The following NLGN1 variants were observed in gnomAD, a reference collection of about 807,000 sequenced individuals.
The protein encoded by NLGN1 is neuroligin 1.
Under a neutral mutation model 65.5 loss-of-function variants are expected in NLGN1, and 12 were observed. The ratio of observed to expected loss-of-function variants is 0.18; its 90% confidence interval spans 0.12 to 0.30. The LOEUF (loss-of-function observed/expected upper bound fraction) is 0.30, where lower values mean the gene tolerates loss of function less well. Among genes scored for constraint, NLGN1 ranks in the 10% least tolerant of loss-of-function variants. The pLI, the probability that NLGN1 is intolerant of heterozygous loss-of-function variation, is 1.00. For missense variants in NLGN1, 750 were observed against 1,007.1 expected, an observed-to-expected ratio of 0.74 and a Z score of 3.46; for synonymous variants, 350 against 359.5, an observed-to-expected ratio of 0.97 and a Z score of 0.30.
chr3:174,263,823 G>A (rs558672722), intron 4 of NLGN1, among the ~76,000 whole-genome samples: 189 of 151,364 alleles, frequency 1.2e-3, no homozygotes, highest in African/African-American at 4.1e-3. Flanking sequence ...GGCTGGTACC[G>A]GTTGTTCCTT....
chr3:173,550,394 T>C lies in NLGN1; in HGVS notation c.-320-53885T>C, dbSNP rs201378470. Among the ~76,000 whole-genome samples, 14 of 152,186 alleles carry C rather than the reference T, an allele frequency of 9.2e-5. No individual in the cohort carries two copies. In the East Asian group the frequency reaches 2.5e-3, roughly 27 times the overall value. On this transcript the variant is annotated intron_variant, in intron 2 of 6. Coordinates refer to ENST00000457714, the Ensembl canonical transcript of NLGN1. ...AAGGAAGGATCATCTGCTGTTATTA[T>C]ATCCTCCACCAATCTTCACAAAGAA... is the stretch of plus-strand genomic sequence containing the variant.
chr3:173,962,426 T>C (rs1287603329), intron 4 of NLGN1, among the ~76,000 whole-genome samples: 1 of 152,146 alleles, frequency 6.6e-6, no homozygotes, highest in African/African-American at 2.4e-5. Flanking sequence ...AAGCTGGGCT[T>C]AGTTACCCCA....
chr3:173,527,950 G>A (rs1012858750), intron 2 of NLGN1, among the ~76,000 whole-genome samples: 4 of 152,260 alleles, frequency 2.6e-5, no homozygotes, highest in African/African-American at 7.2e-5. Context: ...GGTCATTTGT[G>A]TTCAAGGTTA....
intron 4 of NLGN1, among the ~76,000 whole-genome samples, chr3:173,957,339 TATAA>T (rs1435447183): frequency 1.3e-5 from 2 of 152,220 alleles, no homozygotes; most frequent in Non-Finnish European, 2.9e-5. Context: ...ATAATGCAGA[TATAA>T]ATAGCATAGC....
At chr3:173,819,255 C>T (rs1719684714) in intron 4 of NLGN1, among the ~76,000 whole-genome samples, 1 of 152,082 alleles carries the variant, frequency 6.6e-6, no homozygotes, top group South Asian at 2.1e-4. Context: ...TGGCTGACCC[C>T]TCATCCTCTA....
At chr3:173,560,563 A>G (rs1441197023) in intron 2 of NLGN1, among the ~76,000 whole-genome samples, 1 of 151,966 alleles carries the variant, frequency 6.6e-6, no homozygotes, top group African/African-American at 2.4e-5. Flanking sequence ...ATACCCGTCT[A>G]TTTTAGGTTA....
intron 3 of NLGN1, among the ~76,000 whole-genome samples, chr3:173,608,562 T>C (rs1751756862): frequency 6.6e-6 from 1 of 151,886 alleles, no homozygotes; most frequent in Non-Finnish European, 1.5e-5. Flanking sequence ...TATCTCTATT[T>C]TACAAGTAAG....
intron 4 of NLGN1, among the ~76,000 whole-genome samples, chr3:174,138,579 C>T (rs1174852297): frequency 1.3e-5 from 2 of 151,792 alleles, no homozygotes; most frequent in Non-Finnish European, 2.9e-5. Flanking sequence ...GGACGACAGG[C>T]CCCCGCCACC....
intron 4 of NLGN1, among the ~76,000 whole-genome samples, chr3:173,966,876 T>C (rs1364333463): frequency 6.6e-6 from 1 of 152,194 alleles, no homozygotes; most frequent in East Asian, 1.9e-4. Context: ...CCCTATGACA[T>C]GAACCAAGTT....
Position 174,187,218 on chromosome 3 carries a change from G to C in NLGN1, c.647-88097G>C, listed in dbSNP as rs571522167. On this transcript the variant is annotated intron_variant, in intron 4 of 6. Transcript: ENST00000457714. ...AACCCTCAGATATGGGGGTCCTACT[G>C]TAGAGCATATGGATTTAGAGCAGCC... Among the ~76,000 whole-genome samples, 128 of 152,070 alleles carry C rather than the reference G, an allele frequency of 8.4e-4. 1 individual carries two copies. In the South Asian group the frequency reaches 0.012, roughly 14 times the overall value.
chr3:174,275,598 C>T (rs1750397303), intron 5 of NLGN1, 71 bp downstream of exon 5: 5 of 870,586 alleles, frequency 5.7e-6, no homozygotes, highest in East Asian at 2.5e-5. Context: ...GTATGTGATG[C>T]TCTGTATATT....
intron 4 of NLGN1, among the ~76,000 whole-genome samples, chr3:173,903,791 T>C (rs562903173): frequency 6.6e-6 from 1 of 152,302 alleles, no homozygotes; most frequent in African/African-American, 2.4e-5. Context: ...AAATGAGAGT[T>C]GGTGTCAGTC....
At chr3:173,570,385 G>C (rs1265763495) in intron 2 of NLGN1, among the ~76,000 whole-genome samples, 1 of 152,176 alleles carries the variant, frequency 6.6e-6, no homozygotes, top group Admixed American at 6.5e-5. Context: ...GGGCAGGAAG[G>C]GAAGTGGCCA....
chr3:174,112,895 C>A (rs958494141), intron 4 of NLGN1, among the ~76,000 whole-genome samples: 1 of 151,794 alleles, frequency 6.6e-6, no homozygotes, highest in African/African-American at 2.4e-5. Context: ...ATGTGCTTGG[C>A]CTTTAATTGA....
chr3:173,478,965 A>T (rs1726773659), intron 2 of NLGN1, among the ~76,000 whole-genome samples: 1 of 152,180 alleles, frequency 6.6e-6, no homozygotes, highest in Non-Finnish European at 1.5e-5. Flanking sequence ...TGACTATTAC[A>T]TGAGGCATTT....
chr3:174,132,936 T>C (rs897939912), intron 4 of NLGN1, among the ~76,000 whole-genome samples: 2 of 152,184 alleles, frequency 1.3e-5, no homozygotes, highest in African/African-American at 4.8e-5. Context: ...CACTAATCCA[T>C]GATTTCTGGA....
chr3:174,144,999 T>A (rs1722947466), intron 4 of NLGN1, among the ~76,000 whole-genome samples: 1 of 152,158 alleles, frequency 6.6e-6, no homozygotes, highest in Admixed American at 6.5e-5. Flanking sequence ...CTGAATGATA[T>A]TGCCTAGGTT....
At chr3:173,445,802 A>G (rs780520799) in intron 2 of NLGN1, among the ~76,000 whole-genome samples, 2 of 152,166 alleles carry the variant, frequency 1.3e-5, no homozygotes, top group Non-Finnish European at 2.9e-5. Flanking sequence ...GAAGACAGGG[A>G]AGTTTGGGAA....
At position 173,669,053 on chromosome 3, in the gene NLGN1, T is replaced by C. The variant is rs537637072; in HGVS notation, c.493+63962T>C. 2.6e-5 allele frequency among the ~76,000 whole-genome samples: 4 copies of C among 152,294 alleles called. No homozygotes were observed. The East Asian group carries it at 5.8e-4, about 22-fold the overall frequency. The stretch of plus-strand genomic sequence containing the variant: ...TCATAAGTGTAAAGCTATAATATGA[T>C]TGTTATGTTTGCATGCAGTGTTTAT... On this transcript the variant is annotated intron_variant, in intron 3 of 6. Transcript: ENST00000457714.
Sources: gnomAD v4.1 joint callset for allele counts (sites outside exome capture counted in the v4.1 genomes callset) on GRCh38, gnomAD v4.1.1 for gene constraint, MANE v1.5 for transcripts, NCBI Gene and HGNC (gene_info 2026-07-23, HGNC 2026-07-21) for gene names.